ST7: variants seen among roughly 807,000 people sequenced by gnomAD.
ST7 encodes the protein suppression of tumorigenicity 7.
Under a neutral mutation model 78.7 loss-of-function variants are expected in ST7, and 28 were observed. The ratio of observed to expected loss-of-function variants is 0.36; its 90% CI spans 0.26 to 0.49. The LOEUF is 0.49. Among genes scored for constraint, ST7 ranks in the 20% least tolerant of loss-of-function variants. The pLI is 0.99. For missense variants in ST7, 418 were observed against 696.0 expected (o/e 0.60, Z 4.49); for synonymous variants, 247 against 249.6 (o/e 0.99, Z 0.10).
intron 1 of ST7, among the ~76,000 whole-genome samples, chr7:117,071,390 C>A (rs1798950566): frequency 6.6e-6 from 1 of 152,114 alleles, no homozygotes; most frequent in Non-Finnish European, 1.5e-5. Context: ...AAACTTTAAC[C>A]CAGTATTTCT....
Position 117,222,768 on chromosome 7 carries a change from A to G in ST7, c.1638+706A>G, listed in dbSNP as rs1031948432. On this transcript the variant is annotated intron_variant, in intron 15 of 15. Coordinates refer to ENST00000323984, the MANE Select transcript of ST7 (RefSeq NM_001369598.1). ...AGAAGGAATAAGGAAAACAGTATCA[A>G]TTGTTTCCCTGGAACTCCATTCAGA... 2.0e-5 allele frequency: 20 copies of G among 982,884 alleles called. No homozygotes were observed. The East Asian group carries it at 3.1e-4, about 15-fold the overall frequency. 60.9% of individuals were successfully genotyped at this position (982,884 alleles called of 1,614,324 possible). A position where few individuals can be genotyped will look rare whatever the true frequency, so the allele number is the denominator to read the frequency against.
intron 1 of ST7, among the ~76,000 whole-genome samples, chr7:116,965,339 CAAA>C (rs975151437): frequency 1.4e-4 from 7 of 50,294 alleles, no homozygotes; most frequent in East Asian, 5.3e-4. Flanking sequence ...GACTCCGTCT[CAAA>C]AAAAAAAAAA....
At chr7:116,998,440 C>A (rs979165729) in intron 1 of ST7, among the ~76,000 whole-genome samples, 1 of 152,214 alleles carries the variant, frequency 6.6e-6, no homozygotes, top group Admixed American at 6.5e-5. Flanking sequence ...CTGAGAGGGG[C>A]TCCCACGGTG....
chr7:116,985,620 A>G lies in ST7; in HGVS notation c.151+31929A>G, dbSNP rs546290916. On this transcript the variant is annotated intron_variant, in intron 1 of 15. Transcript: ENST00000323984. ...GAGATGAGACATAGTCCCTTCTTTC[A>G]TGAAGTTAGGAATAATTAATTGTGT... Among the ~76,000 whole-genome samples, 5 of 152,316 alleles carry G rather than the reference A, an allele frequency of 3.3e-5. No homozygotes were observed. In the East Asian group the frequency reaches 9.6e-4, roughly 29 times the overall value.
rs754051254 is a variant in ST7 at position 117,046,253 on chromosome 7, G to A, written c.152-53509G>A. The stretch of plus-strand genomic sequence containing the variant: ...GTTTCTTTCCCGCAGCATATAAGAC[G>A]CTTCCCTGTCTGTATTCAGCCTGTC... On this transcript the variant is annotated intron_variant, in intron 1 of 15. Coordinates refer to ENST00000323984, the MANE Select transcript of ST7 (RefSeq NM_001369598.1). Among the ~76,000 whole-genome samples, 4 of 151,990 alleles carry A rather than the reference G, an allele frequency of 2.6e-5. No homozygotes were observed. In the East Asian group the frequency reaches 5.8e-4, roughly 22 times the overall value.
intron 1 of ST7, among the ~76,000 whole-genome samples, chr7:116,984,132 T>TG (rs1794090166): frequency 6.6e-6 from 1 of 151,638 alleles, no homozygotes; most frequent in East Asian, 1.9e-4. Context: ...TGTGTGTGTG[T>TG]GTGTGTGTGT....
intron 1 of ST7, among the ~76,000 whole-genome samples, chr7:117,016,504 TTAAG>T (rs66798845): frequency 0.95 from 143,809 of 152,048 alleles, 68,556 homozygotes; most frequent in East Asian, 1. Flanking sequence ...TTTGTTGTTC[TTAAG>T]TAATACTTTA....
intron 1 of ST7, among the ~76,000 whole-genome samples, chr7:117,092,006 C>A (rs989796517): frequency 6.6e-6 from 1 of 152,092 alleles, no homozygotes; most frequent in Non-Finnish European, 1.5e-5. Flanking sequence ...GTCCACGTGG[C>A]CACTTCATTA....
At chr7:117,208,909 GT>G (rs1792038641) in intron 12 of ST7, among the ~76,000 whole-genome samples, 6 of 26,990 alleles carry the variant, frequency 2.2e-4, no homozygotes, top group South Asian at 7.8e-3. Context: ...GTGGGTGTGT[GT>G]GTGTGTGTGT....
chr7:117,152,409 C>A (rs1806365161), intron 9 of ST7, among the ~76,000 whole-genome samples: 1 of 151,604 alleles, frequency 6.6e-6, no homozygotes, highest in South Asian at 2.1e-4. Flanking sequence ...CTGCCAACTC[C>A]AAATTTGGAA....
chr7:117,023,562 C>T (rs1040256736), intron 1 of ST7, among the ~76,000 whole-genome samples: 4 of 152,070 alleles, frequency 2.6e-5, no homozygotes, highest in African/African-American at 9.7e-5. Context: ...TCTGTAACTC[C>T]GTTTATTACC....
intron 1 of ST7, chr7:116,965,919 A>G (rs1188930072): frequency 7.8e-6 from 2 of 255,254 alleles, no homozygotes; most frequent in African/African-American, 2.3e-5. Flanking sequence ...TGTAGTGATG[A>G]GCAGGTTGGA....
chr7:117,168,560 A>G (rs568648634), intron 9 of ST7, among the ~76,000 whole-genome samples: 68 of 152,338 alleles, frequency 4.5e-4, no homozygotes, highest in Non-Finnish European at 4.3e-4. Flanking sequence ...AACCAGAACA[A>G]GAAATACTTT....
intron 1 of ST7, among the ~76,000 whole-genome samples, chr7:117,081,816 A>G (rs987955763): frequency 1.3e-5 from 2 of 152,192 alleles, no homozygotes; most frequent in African/African-American, 4.8e-5. Flanking sequence ...GACTTGATAT[A>G]CCAGGGTTCC....
intron 1 of ST7, chr7:116,966,165 GTATCTTTTTTAGTGGAT>G (rs1219466874): frequency 2.5e-6 from 1 of 407,888 alleles, no homozygotes; most frequent in African/African-American, 2.1e-5. Context: ...CATTAAGACA[GTATCTTTTTTAGTGGAT>G]TACACTTATT....
intron 1 of ST7, among the ~76,000 whole-genome samples, chr7:117,097,696 A>G (rs1028355739): frequency 6.0e-5 from 9 of 150,816 alleles, no homozygotes; most frequent in Non-Finnish European, 1.3e-4. Flanking sequence ...TGAGAATTTT[A>G]AGCACCTCTG....
At chr7:117,087,669 G>A (rs1053655697) in intron 1 of ST7, among the ~76,000 whole-genome samples, 3 of 152,206 alleles carry the variant, frequency 2.0e-5, no homozygotes, top group Non-Finnish European at 2.9e-5. Context: ...CAGACTGCCT[G>A]TAGAAGTAGC....
chr7:117,092,565 A>T (rs1800717028), intron 1 of ST7, among the ~76,000 whole-genome samples: 1 of 152,186 alleles, frequency 6.6e-6, no homozygotes, highest in East Asian at 1.9e-4. Flanking sequence ...TACTTAATAG[A>T]TGCTGACAGG....
At chr7:117,154,764 G>A (rs1806558998) in intron 9 of ST7, among the ~76,000 whole-genome samples, 4 of 152,166 alleles carry the variant, frequency 2.6e-5, no homozygotes, top group Admixed American at 2.0e-4. Flanking sequence ...GAATGTTGGA[G>A]CAGAAATGAT....
Sources: gnomAD v4.1 joint callset for allele counts (sites outside exome capture counted in the v4.1 genomes callset) on GRCh38, gnomAD v4.1.1 for gene constraint, MANE v1.5 for transcripts, NCBI Gene and HGNC (gene_info 2026-07-23, HGNC 2026-07-21) for gene names.